Variants in GRAMD1B observed in about 807,000 individuals in gnomAD.
GRAMD1B encodes the protein GRAM domain containing 1B, also known as protein Aster-B.
In GRAMD1B, 37 loss-of-function variants were observed where a neutral mutation model predicts 99.7. That is an observed-to-expected ratio of 0.37 (90% CI 0.29 to 0.49). GRAMD1B has a LOEUF of 0.49. GRAMD1B is among the 20% of genes least tolerant of loss of function. The pLI is 0.98. For synonymous variants in GRAMD1B, 427 were observed against 387.6 expected, an observed-to-expected ratio of 1.10 and a Z score of -1.19; for missense variants, 888 against 1,009.2, an observed-to-expected ratio of 0.88 and a Z score of 1.63.
chr11:123,382,420 A>C (rs1591391511), intron 1 of GRAMD1B, among the ~76,000 whole-genome samples: 1 of 152,142 alleles, frequency 6.6e-6, no homozygotes, highest in East Asian at 1.9e-4. Context: ...GAAGGTCCAT[A>C]ATTAAGCATC....
At chr11:123,447,023 C>T (rs1949676343) in intron 1 of GRAMD1B, among the ~76,000 whole-genome samples, 1 of 152,078 alleles carries the variant, frequency 6.6e-6, no homozygotes, top group African/African-American at 2.4e-5. Flanking sequence ...GATGTCCCTT[C>T]CATTGGGGAG....
chr11:123,585,813 T>G (rs1220129858), intron 4 of GRAMD1B, among the ~76,000 whole-genome samples: 1 of 152,244 alleles, frequency 6.6e-6, no homozygotes. Flanking sequence ...CATCTCCGTT[T>G]GGACAGGCCA....
At chr11:123,598,756 T>A in intron 7 of GRAMD1B, 2 of 909,138 alleles carry the variant, frequency 2.2e-6, no homozygotes. Flanking sequence ...GCACTGCTTG[T>A]CTCTTTCGGC....
intron 2 of GRAMD1B, among the ~76,000 whole-genome samples, chr11:123,560,949 A>C (rs902452686): frequency 6.6e-6 from 1 of 152,138 alleles, no homozygotes; most frequent in Non-Finnish European, 1.5e-5. Context: ...TGGGGATCCG[A>C]AAGCAGCCAG....
intron 1 of GRAMD1B, among the ~76,000 whole-genome samples, chr11:123,478,072 G>A (rs1185404623): frequency 2.6e-5 from 4 of 152,016 alleles, no homozygotes; most frequent in East Asian, 1.9e-4. Flanking sequence ...GATTACAGGC[G>A]TGAACCACCA....
rs200094599 is a variant in GRAMD1B, at chr11:123,506,764, C to T, written c.452+25871C>T. ...TTAGTACCCCTCCCCCTCTCTCCCA[C>T]CCTGTTTTCTCTTTCATTCTCTTTT... On this transcript the variant is annotated intron_variant, in intron 2 of 19. Transcript: ENST00000635736. Among the ~76,000 whole-genome samples the T allele has an allele frequency of 3.1e-5, 4 of 130,690 alleles. No homozygotes were observed. In the East Asian group the frequency reaches 8.3e-4, roughly 27 times the overall value. 85.7% of individuals were successfully genotyped at this position (130,690 alleles called of 152,430 possible).
intron 2 of GRAMD1B, among the ~76,000 whole-genome samples, chr11:123,527,487 C>G (rs986488061): frequency 6.6e-6 from 1 of 152,146 alleles, no homozygotes; most frequent in Non-Finnish European, 1.5e-5. Context: ...AGTTATCCCC[C>G]AGCCGGGAGT....
At chr11:123,559,946 C>T (rs1042382114) in intron 2 of GRAMD1B, among the ~76,000 whole-genome samples, 2 of 152,184 alleles carry the variant, frequency 1.3e-5, no homozygotes, top group African/African-American at 4.8e-5. Flanking sequence ...AGTGTCACCT[C>T]CTTGATACAG....
At chr11:123,606,536 T>C in intron 10 of GRAMD1B, 73 bp from the exon 11 acceptor site, 1 of 1,349,902 alleles carries the variant, frequency 7.4e-7, no homozygotes, top group South Asian at 1.3e-5. Flanking sequence ...CAAGGCTGCA[T>C]CCCTAATCTC....
At chr11:123,528,251 A>G (rs1341712098) in intron 2 of GRAMD1B, among the ~76,000 whole-genome samples, 1 of 152,190 alleles carries the variant, frequency 6.6e-6, no homozygotes, top group Non-Finnish European at 1.5e-5. Context: ...AGGAGACTTG[A>G]TAGAAGCAAG....
intron 8 of GRAMD1B, among the ~76,000 whole-genome samples, chr11:123,600,758 G>A (rs569710304): frequency 6.6e-6 from 1 of 152,292 alleles, no homozygotes; most frequent in African/African-American, 2.4e-5. Context: ...CAGTTCCACT[G>A]CTTTGAAATG....
intron 9 of GRAMD1B, among the ~76,000 whole-genome samples, chr11:123,604,779 A>T (rs188011966): frequency 6.6e-6 from 1 of 152,204 alleles, no homozygotes; most frequent in African/African-American, 2.4e-5. Flanking sequence ...AGGAGGCTAC[A>T]GCGGCATCCC....
intron 1 of GRAMD1B, chr11:123,432,096 A>T: frequency 2.5e-6 from 1 of 398,640 alleles, no homozygotes; most frequent in Non-Finnish European, 4.4e-6. Flanking sequence ...TTCCTTCTCC[A>T]AATCTGTTCA....
chr11:123,435,307 G>C (rs139079768), intron 1 of GRAMD1B: 1 of 642,928 alleles, frequency 1.6e-6, no homozygotes, highest in African/African-American at 1.8e-5. Flanking sequence ...GAAATTCAGC[G>C]TGATGTGGTA....
intron 1 of GRAMD1B, among the ~76,000 whole-genome samples, chr11:123,457,140 T>A (rs574567259): frequency 1.5e-4 from 10 of 65,628 alleles, no homozygotes; most frequent in Admixed American, 2.9e-4. Context: ...AAAGAAAGAA[T>A]TAGAACAGTT....
chr11:123,598,583 T>G, intron 7 of GRAMD1B: 1 of 1,550,068 alleles, frequency 6.5e-7, no homozygotes, highest in East Asian at 2.2e-5. Flanking sequence ...CTAGGGACTT[T>G]CCTTTGGTGC....
intron 2 of GRAMD1B, among the ~76,000 whole-genome samples, chr11:123,548,183 T>C (rs1000349349): frequency 3.3e-5 from 5 of 151,308 alleles, no homozygotes; most frequent in Admixed American, 6.6e-5. Flanking sequence ...GGTGAGTCGG[T>C]GTCTGCAGCT....
intron 2 of GRAMD1B, among the ~76,000 whole-genome samples, chr11:123,573,806 G>A (rs865972443): frequency 6.6e-6 from 1 of 152,202 alleles, no homozygotes; most frequent in African/African-American, 2.4e-5. Flanking sequence ...TGTAGGTACA[G>A]ATTTGGGAGC....
chr11:123,396,582 T>G (rs192989318), intron 1 of GRAMD1B, among the ~76,000 whole-genome samples: 1 of 152,168 alleles, frequency 6.6e-6, no homozygotes. Flanking sequence ...AGCCCCCATA[T>G]GCACTTCTAT....
Sources: gnomAD v4.1 joint callset for allele counts (sites outside exome capture counted in the v4.1 genomes callset) on GRCh38, gnomAD v4.1.1 for gene constraint, MANE v1.5 for transcripts, NCBI Gene and HGNC (gene_info 2026-07-23, HGNC 2026-07-21) for gene names.